INTS9: variants seen among roughly 807,000 people sequenced by gnomAD.
INTS9 encodes the protein integrator complex subunit 9.
Under a neutral mutation model 79.7 loss-of-function variants are expected in INTS9, and 55 were observed. The ratio of observed to expected loss-of-function variants is 0.69; its 90% confidence interval spans 0.56 to 0.86. The LOEUF is 0.86. Among genes scored for constraint, INTS9 ranks in the 40% least tolerant of loss-of-function variants. INTS9 has a pLI of 0.00. For missense variants in INTS9, 721 were observed against 831.5 expected (o/e 0.87, Z 1.64); for synonymous variants, 319 against 325.2 (o/e 0.98, Z 0.20).
intron 6 of INTS9, among the ~76,000 whole-genome samples, chr8:28,826,814 G>C (rs1806174657): frequency 6.6e-6 from 1 of 152,156 alleles, no homozygotes; most frequent in South Asian, 2.1e-4. Context: ...TGAGTAGAGC[G>C]ACTAAATCTT....
rs373185177 is a variant in INTS9 at position 28,889,947 on chromosome 8, G to A, written c.-65C>T. On this transcript the variant is annotated 5_prime_UTR_variant, in exon 1 of 17. Transcript: ENST00000521022. ...TCAAACCCAGGAAGCGTCTTCCGGT[G>A]CAATCTCCGCCACCTGCCAGCCGAG... 1.2e-5 allele frequency: 16 copies of A among 1,363,486 alleles called. No individual in the cohort carries two copies. In the African/African-American group the frequency reaches 1.9e-4, roughly 16 times the overall value. 84.5% of individuals were successfully genotyped at this position (1,363,486 alleles called of 1,614,324 possible). A position where few individuals can be genotyped will look rare whatever the true frequency, so the allele number is the denominator to read the frequency against.
intron 1 of INTS9, among the ~76,000 whole-genome samples, chr8:28,870,692 G>T (rs1398359518): frequency 6.6e-6 from 1 of 152,188 alleles, no homozygotes. Context: ...CAATCATAAA[G>T]CATAGAGCAG....
chr8:28,881,363 G>A (rs1179993002), intron 1 of INTS9, among the ~76,000 whole-genome samples: 1,386 of 128,434 alleles, frequency 0.011, 1 homozygote, highest in African/African-American at 0.041. Context: ...GCCTCTGCCC[G>A]GCCGCCCCTA....
intron 8 of INTS9, among the ~76,000 whole-genome samples, chr8:28,811,322 C>A (rs1805120840): frequency 6.6e-6 from 1 of 152,046 alleles, no homozygotes; most frequent in Non-Finnish European, 1.5e-5. Context: ...TGGGGTTTCA[C>A]CATGTTGGCC....
chr8:28,770,872 A>C, intron 15 of INTS9, 110 bp downstream of exon 15: 1 of 814,234 alleles, frequency 1.2e-6, no homozygotes, highest in Non-Finnish European at 2.0e-6. Context: ...CCAGGGAAAT[A>C]ATTCTTCAAC....
At chr8:28,856,049 A>T (rs924253186) in intron 2 of INTS9, among the ~76,000 whole-genome samples, 1 of 152,242 alleles carries the variant, frequency 6.6e-6, no homozygotes, top group African/African-American at 2.4e-5. Context: ...GATTTCAAAT[A>T]AAAAGTCACA....
intron 6 of INTS9, among the ~76,000 whole-genome samples, chr8:28,833,439 G>A (rs1440565436): frequency 1.3e-5 from 2 of 151,982 alleles, no homozygotes; most frequent in Non-Finnish European, 2.9e-5. Flanking sequence ...GGCCAACATG[G>A]TGAAACCCCA....
chr8:28,889,874 C>A lies in INTS9; in HGVS notation c.9G>T (p.Leu3=). 6.2e-7 allele frequency: 1 copy of A among 1,613,856 alleles called. No individual in the cohort carries two copies. The highest frequency in any genetic ancestry group is 8.5e-7 in the Non-Finnish European group (1 of 1,179,856). MK[L]YCLSGHPTLP... ...CTCTGACCTAGGAGCGAAGACTCAC[C>A]AGTTTCATAATGGACTTTTGGTGGT... is the stretch of plus-strand genomic sequence containing the variant. The change falls in exon 1 of 17, where the codon CTG becomes CTT. Residue 3 remains leucine (L), a splice_region_variant and synonymous_variant. Transcript: ENST00000521022.
chr8:28,829,271 A>C (rs1226487917), intron 6 of INTS9, among the ~76,000 whole-genome samples: 1 of 152,194 alleles, frequency 6.6e-6, no homozygotes, highest in Non-Finnish European at 1.5e-5. Flanking sequence ...TGAGTGTGGG[A>C]AAGTCAGAGA....
intron 1 of INTS9, among the ~76,000 whole-genome samples, chr8:28,878,309 C>A (rs1809500870): frequency 6.6e-6 from 1 of 151,864 alleles, no homozygotes; most frequent in African/African-American, 2.4e-5. Context: ...GGGAGGGAAT[C>A]ATTTAACTGT....
At chr8:28,801,459 C>T (rs1804512395) in intron 8 of INTS9, among the ~76,000 whole-genome samples, 2 of 151,546 alleles carry the variant, frequency 1.3e-5, no homozygotes, top group Admixed American at 1.3e-4. Flanking sequence ...CCTTGCCCTC[C>T]AGCCTGAGTG....
At chr8:28,886,380 T>G (rs1810175801) in intron 1 of INTS9, among the ~76,000 whole-genome samples, 3 of 151,442 alleles carry the variant, frequency 2.0e-5, no homozygotes, top group Non-Finnish European at 4.4e-5. Context: ...CTCAAGTAGC[T>G]GGGACTACAG....
rs114128191 is a variant in INTS9, at chr8:28,768,819, A to G, written c.1801-497T>C. 6.1e-3 allele frequency among the ~76,000 whole-genome samples: 932 copies of G among 152,344 alleles called. 5 individuals carry two copies. Among genetic ancestry groups the G allele is most frequent in the African/African-American group, 0.021 (894 of 41,584 alleles). On this transcript the variant is annotated intron_variant, in intron 16 of 16. Transcript: ENST00000521022. ...CCTTACAAATCAGACGTGACATGGA[A>G]AGGAGGCATGTGCCTGAAACAGACA...
chr8:28,836,792 G>A (rs1806829442), intron 5 of INTS9, among the ~76,000 whole-genome samples: 1 of 152,048 alleles, frequency 6.6e-6, no homozygotes, highest in Non-Finnish European at 1.5e-5. Context: ...GCTCCCTAAT[G>A]GTTACATACA....
At chr8:28,864,424 A>C (rs1251050566) in intron 1 of INTS9, among the ~76,000 whole-genome samples, 1 of 152,266 alleles carries the variant, frequency 6.6e-6, no homozygotes, top group Non-Finnish European at 1.5e-5. Context: ...CTCAGAAGAA[A>C]TGAGATACAA....
At chr8:28,831,330 A>C (rs1052378725) in intron 6 of INTS9, among the ~76,000 whole-genome samples, 1 of 152,202 alleles carries the variant, frequency 6.6e-6, no homozygotes, top group African/African-American at 2.4e-5. Flanking sequence ...AAGGGGGAGC[A>C]TTGAGATAAA....
At chr8:28,883,444 A>G (rs186964120) in intron 1 of INTS9, among the ~76,000 whole-genome samples, 126 of 152,372 alleles carry the variant, frequency 8.3e-4, no homozygotes, top group African/African-American at 2.7e-3. Context: ...TTACATTCAG[A>G]AGACAAATAG....
chr8:28,782,864 TA>T (rs904468629), intron 11 of INTS9, among the ~76,000 whole-genome samples: 2 of 151,714 alleles, frequency 1.3e-5, no homozygotes, highest in South Asian at 2.1e-4. Context: ...ACCCTGTCAC[TA>T]AAAAAAACAC....
At position 28,793,925 on chromosome 8, in the gene INTS9, C is replaced by A; in HGVS notation, c.919G>T (p.Asp307Tyr). ...VPCYPSGVIY[D>Y]LLECLYQYID... ...TACTGATATAGGCACTCCAGGAGGT[C>A]ATAGATCACTCCAGAAGGGTAGCAG... The change falls in exon 10 of 17, where the codon GAC (aspartate) becomes TAC (tyrosine). Residue 307 changes from aspartate (D) to tyrosine (Y), a missense_variant. Transcript: ENST00000521022. 1 of 1,613,900 alleles carries A rather than the reference C, an allele frequency of 6.2e-7. No homozygotes were observed. Among genetic ancestry groups the A allele is most frequent in the Non-Finnish European group, 8.5e-7 (1 of 1,179,882 alleles).
Sources: allele counts gnomAD v4.1 joint callset (sites outside exome capture counted in the v4.1 genomes callset), GRCh38; gene constraint gnomAD v4.1.1; transcripts MANE v1.5; gene names NCBI Gene and HGNC (gene_info 2026-07-23, HGNC 2026-07-21).